FBRSL1: variants seen among roughly 807,000 people sequenced by gnomAD.
FBRSL1 encodes the protein fibrosin like 1.
In FBRSL1, 51 loss-of-function variants were observed where a neutral mutation model predicts 89.6. The ratio of observed to expected loss-of-function variants is 0.57; its 90% CI spans 0.45 to 0.72. The LOEUF (loss-of-function observed/expected upper bound fraction) is 0.72, where lower values mean the gene tolerates loss of function less well. Among genes scored for constraint, FBRSL1 ranks in the 30% least tolerant of loss-of-function variants. The pLI is 0.00. For synonymous variants in FBRSL1, 779 were observed against 681.1 expected (o/e 1.14, Z -2.24); for missense variants, 1,618 against 1,451.8 (o/e 1.11, Z -1.86).
At chr12:132,543,421 C>T (rs959298274) in intron 4 of FBRSL1, among the ~76,000 whole-genome samples, 1 of 152,208 alleles carries the variant, frequency 6.6e-6, no homozygotes, top group Non-Finnish European at 1.5e-5. Flanking sequence ...TAACTCTGGG[C>T]TGTGCCCAGC....
At chr12:132,517,549 C>A (rs2034955345) in intron 2 of FBRSL1, among the ~76,000 whole-genome samples, 1 of 152,234 alleles carries the variant, frequency 6.6e-6, no homozygotes, top group Non-Finnish European at 1.5e-5. Context: ...ATAACTGGGA[C>A]AACAGCAGAG....
chr12:132,504,677 G>A (rs957399246), intron 1 of FBRSL1, among the ~76,000 whole-genome samples: 1 of 152,186 alleles, frequency 6.6e-6, no homozygotes, highest in African/African-American at 2.4e-5. Flanking sequence ...GTGGCCTGAG[G>A]CGGCCCTGGC....
intron 5 of FBRSL1, 123 bp from the exon 6 acceptor site, chr12:132,567,358 C>T (rs1176200834): frequency 2.2e-6 from 2 of 902,458 alleles, no homozygotes; most frequent in Middle Eastern, 2.5e-4. Flanking sequence ...GGGGCATCCA[C>T]AAGGGCACAT....
intron 1 of FBRSL1, among the ~76,000 whole-genome samples, chr12:132,491,397 C>G (rs1025180320): frequency 6.6e-6 from 1 of 152,230 alleles, no homozygotes; most frequent in Non-Finnish European, 1.5e-5. Context: ...GTCTGGCTGA[C>G]GGACAGTATT....
intron 1 of FBRSL1, among the ~76,000 whole-genome samples, chr12:132,496,740 C>T (rs533566333): frequency 1.3e-4 from 20 of 152,376 alleles, no homozygotes; most frequent in East Asian, 3.9e-4. Flanking sequence ...TTCTGATGGG[C>T]GCTCTGTCTT....
Position 132,500,440 on chromosome 12 carries a change from C to G in FBRSL1, c.292-7713C>G, listed in dbSNP as rs1313304137. Reference sequence around the variant, plus strand: ...CAAGGGCTGGAGGCTGGGGCTGCCCCTCTCTGGCCTGGGCTCATGGGGCCG... The same window carrying G: ...CAAGGGCTGGAGGCTGGGGCTGCCCGTCTCTGGCCTGGGCTCATGGGGCCG... On this transcript the variant is annotated intron_variant, in intron 1 of 18. Coordinates refer to ENST00000680143, the MANE Select transcript of FBRSL1 (RefSeq NM_001367871.1). Among the ~76,000 whole-genome samples the G allele has an allele frequency of 3.9e-5, 6 of 152,280 alleles. No individual in the cohort carries two copies. In the South Asian group the frequency reaches 1.2e-3, roughly 32 times the overall value.
chr12:132,576,905 T>C lies in FBRSL1; in HGVS notation c.1808T>C (p.Leu603Pro). The change falls in exon 15 of 19, where the codon CTG (leucine) becomes CCG (proline). Residue 603 changes from leucine to proline, a missense_variant. Coordinates refer to ENST00000680143, the MANE Select transcript of FBRSL1 (RefSeq NM_001367871.1). ...VFAGFHYPQDLARPLFPSTGA... is the reference protein window; with the variant it reads ...VFAGFHYPQDPARPLFPSTGA... ...GCAGGCTTCCACTACCCACAGGACC[T>C]GGCCCGGCCCCTCTTCCCCAGCACA... is the stretch of plus-strand genomic sequence containing the variant. 6.5e-7 allele frequency: 1 copy of C among 1,550,046 alleles called. No individual in the cohort carries two copies. Among genetic ancestry groups the C allele is most frequent in the Non-Finnish European group, 8.7e-7 (1 of 1,146,554 alleles).
At chr12:132,560,519 C>T (rs2039028521) in intron 5 of FBRSL1, among the ~76,000 whole-genome samples, 1 of 151,942 alleles carries the variant, frequency 6.6e-6, no homozygotes, top group Admixed American at 6.6e-5. Flanking sequence ...TTTGTCTGCG[C>T]CCAGGTGCGG....
At chr12:132,512,857 G>A (rs1270427100) in intron 2 of FBRSL1, among the ~76,000 whole-genome samples, 1 of 152,216 alleles carries the variant, frequency 6.6e-6, no homozygotes, top group Non-Finnish European at 1.5e-5. Flanking sequence ...GGACACCCGT[G>A]GAGGAAACAT....
In FBRSL1 at chr12:132,572,358, A is replaced by G; in HGVS notation, c.1434+14A>G. 1 of 1,550,764 alleles carries G rather than the reference A, an allele frequency of 6.4e-7. No individual in the cohort carries two copies. The highest frequency in any genetic ancestry group is 8.7e-7 in the Non-Finnish European group (1 of 1,146,626). On this transcript the variant is annotated intron_variant, in intron 10 of 18. Coordinates refer to ENST00000680143, the MANE Select transcript of FBRSL1 (RefSeq NM_001367871.1). ...TCCAGCGTGAGTGTGAGTGTCCCCG[A>G]GGGGCCCGGCGCGTGTCGCTGTGCA...
chr12:132,525,972 GCTGCACC>G (rs1452981644), intron 3 of FBRSL1, 149 bp downstream of exon 3: 1 of 642,182 alleles, frequency 1.6e-6, no homozygotes, highest in African/African-American at 1.8e-5. Flanking sequence ...CCCCCTGCCC[GCTGCACC>G]CTGCACAAGG....
chr12:132,557,146 T>C (rs1176771993), intron 5 of FBRSL1, among the ~76,000 whole-genome samples: 2 of 152,190 alleles, frequency 1.3e-5, no homozygotes, highest in East Asian at 3.9e-4. Context: ...TGCCTTCCCA[T>C]GATGGCACCC....
Position 132,546,118 on chromosome 12 carries a change from C to T in FBRSL1, c.616-1885C>T, listed in dbSNP as rs925988768. Reference sequence around the variant, plus strand: ...TGTTCCTCCCCTCCCCTGCGCTCCCCGCAGGAGCTTGTGGCTTTCCCCTGC... The same window carrying T: ...TGTTCCTCCCCTCCCCTGCGCTCCCTGCAGGAGCTTGTGGCTTTCCCCTGC... On this transcript the variant is annotated intron_variant, in intron 4 of 18. Transcript: ENST00000680143. This position sits in a 1 kb window ranked among gnomAD's most constrained non-coding sequence, Gnocchi z 4.0. 7.9e-5 allele frequency among the ~76,000 whole-genome samples: 12 copies of T among 152,266 alleles called. No individual in the cohort carries two copies. The highest frequency in any genetic ancestry group is 3.2e-3 in the Middle Eastern group (1 of 316).
intron 5 of FBRSL1, chr12:132,565,242 AAACTT>A (rs1222422785): frequency 6.6e-6 from 1 of 152,222 alleles, no homozygotes; most frequent in Non-Finnish European, 1.5e-5. Context: ...TCCTTTATAC[AAACTT>A]AAAAGTATGA....
Position 132,583,794 on chromosome 12 carries a change from C to T in FBRSL1, c.*16C>T. 8.3e-7 allele frequency: 1 copy of T among 1,204,896 alleles called. No homozygotes were observed. Among genetic ancestry groups the T allele is most frequent in the Non-Finnish European group, 1.0e-6 (1 of 968,690 alleles). The allele number at this position is 1,204,896 out of a possible 1,614,324, so 74.6% of individuals were successfully genotyped here. A position where few individuals can be genotyped will look rare whatever the true frequency, so the allele number is the denominator to read the frequency against. On this transcript the variant is annotated 3_prime_UTR_variant, in exon 19 of 19. Coordinates refer to ENST00000680143, the MANE Select transcript of FBRSL1 (RefSeq NM_001367871.1). ...GGCGCGGTAGCCCCGGGGCCGCAGA[C>T]GCCTCTCCGAGCGGAGCGCACCGCT...
At position 132,501,425 on chromosome 12, in the gene FBRSL1, G is replaced by A. The variant is rs556948871; in HGVS notation, c.292-6728G>A. On this transcript the variant is annotated intron_variant, in intron 1 of 18. Transcript: ENST00000680143. ...GTGTCCCAGGCTGCTGCGTGGGATC[G>A]CCAGTGGCAGCTGTCAGCAGGGGTG... Among the ~76,000 whole-genome samples, 8 of 152,288 alleles carry A rather than the reference G, an allele frequency of 5.3e-5. No homozygotes were observed. In the East Asian group the frequency reaches 5.8e-4, roughly 11 times the overall value.
chr12:132,490,731 C>G lies in FBRSL1; in HGVS notation c.161C>G (p.Pro54Arg). The change falls in exon 1 of 19, where the codon CCC becomes CGC. Residue 54 changes from proline to arginine, a missense_variant. Pro to Arg is a moderately radical substitution (Grantham distance 103, BLOSUM62 -2). Transcript: ENST00000680143. The part of the protein sequence containing the change: ...KENAGLRGAP[P>R]RGAAPAPRTA... ...AACGCGGGCCTCCGCGGCGCGCCCC[C>G]CCGAGGCGCCGCCCCCGCGCCCCGC... 1.0e-6 allele frequency: 1 copy of G among 990,622 alleles called. No individual in the cohort carries two copies. 61.4% of individuals were successfully genotyped at this position (990,622 alleles called of 1,614,324 possible). A position where few individuals can be genotyped will look rare whatever the true frequency, so the allele number is the denominator to read the frequency against.
Position 132,490,562 on chromosome 12 carries a change from C to G in FBRSL1, c.-9C>G. 2 of 981,526 alleles carry G rather than the reference C, an allele frequency of 2.0e-6. No individual in the cohort carries two copies. Among genetic ancestry groups the G allele is most frequent in the Non-Finnish European group, 2.4e-6 (2 of 828,692 alleles). 60.8% of individuals were successfully genotyped at this position (981,526 alleles called of 1,614,324 possible). ...AAGGTCACCGGCCCGACGGGGCGCA[C>G]GCGCGGCCATGGAGGCCAAGGTCCG... is the stretch of plus-strand genomic sequence containing the variant. On this transcript the variant is annotated 5_prime_UTR_variant, in exon 1 of 19. Coordinates refer to ENST00000680143, the MANE Select transcript of FBRSL1 (RefSeq NM_001367871.1).
At chr12:132,570,828 A>G (rs2137888150) in intron 8 of FBRSL1, among the ~76,000 whole-genome samples, 1 of 152,298 alleles carries the variant, frequency 6.6e-6, no homozygotes, top group South Asian at 2.1e-4. Flanking sequence ...CCTCCCCCGC[A>G]GCCTGCTGGG....
Sources: allele counts gnomAD v4.1 joint callset (sites outside exome capture counted in the v4.1 genomes callset), GRCh38; gene constraint gnomAD v4.1.1; non-coding constraint Gnocchi (gnomAD v3.1); transcripts MANE v1.5; gene names NCBI Gene and HGNC (gene_info 2026-07-23, HGNC 2026-07-21).